IQSEC1: variants seen among roughly 807,000 people sequenced by gnomAD.
The protein encoded by IQSEC1 is IQ motif and SEC7 domain-containing protein 1.
In IQSEC1, 31 loss-of-function variants were observed where a neutral mutation model predicts 91.0. The observed-to-expected ratio is 0.34, with a 90% CI of 0.26 to 0.46. The LOEUF is 0.46. IQSEC1 is among the 20% of genes least tolerant of loss of function. The pLI is 1.00. For missense variants in IQSEC1, 1,388 were observed against 1,575.6 expected, an observed-to-expected ratio of 0.88 and a Z score of 2.02; for synonymous variants, 699 against 662.6, an observed-to-expected ratio of 1.05 and a Z score of -0.84.
At chr3:13,183,965 A>G (rs1315467949) in intron 1 of IQSEC1, among the ~76,000 whole-genome samples, 1 of 152,266 alleles carries the variant, frequency 6.6e-6, no homozygotes, top group Admixed American at 6.5e-5. Flanking sequence ...TCAAAAAGAA[A>G]TAGATTAAAA....
At chr3:12,955,065 C>T (rs1231162071) in intron 1 of IQSEC1, among the ~76,000 whole-genome samples, 1 of 152,112 alleles carries the variant, frequency 6.6e-6, no homozygotes, top group Non-Finnish European at 1.5e-5. Flanking sequence ...CCTGGCAGAG[C>T]CCCGTGACTC....
At chr3:13,010,787 C>T (rs923860452) in intron 1 of IQSEC1, among the ~76,000 whole-genome samples, 1 of 152,182 alleles carries the variant, frequency 6.6e-6, no homozygotes, top group African/African-American at 2.4e-5. Flanking sequence ...AGGCCAGCAC[C>T]CTGGGCTCTG....
chr3:13,152,222 G>A (rs1156240408), intron 2 of IQSEC1, among the ~76,000 whole-genome samples: 2 of 152,140 alleles, frequency 1.3e-5, no homozygotes, highest in Non-Finnish European at 2.9e-5. Context: ...TTTAGCCTTT[G>A]ACCTAGTAAT....
chr3:12,899,125 T>G lies in IQSEC1; in HGVS notation c.*1858A>C. ...ATTAACAAAGTGCTTGGTTTGCAGA[T>G]TTGCTGGTACGGTGATCTCAATGAT... On this transcript the variant is annotated 3_prime_UTR_variant, in exon 14 of 14. Coordinates refer to ENST00000613206, the MANE Select transcript of IQSEC1 (RefSeq NM_001134382.3). 1.9e-6 allele frequency: 1 copy of G among 524,360 alleles called. No homozygotes were observed. The highest frequency in any genetic ancestry group is 3.3e-5 in the Admixed American group (1 of 30,076). 32.5% of individuals were successfully genotyped at this position (524,360 alleles called of 1,614,324 possible). A position where few individuals can be genotyped will look rare whatever the true frequency, so the allele number is the denominator to read the frequency against.
chr3:12,933,715 T>C (rs1052273986), intron 3 of IQSEC1, among the ~76,000 whole-genome samples: 1 of 152,186 alleles, frequency 6.6e-6, no homozygotes, highest in Admixed American at 6.5e-5. Context: ...TTCTTAACCA[T>C]GGCTGTCTAG....
intron 2 of IQSEC1, among the ~76,000 whole-genome samples, chr3:13,105,961 C>T (rs1706144941): frequency 6.6e-6 from 1 of 152,216 alleles, no homozygotes; most frequent in African/African-American, 2.4e-5. Context: ...AAACGCTGGG[C>T]TTTGTCTTCT....
intron 1 of IQSEC1, among the ~76,000 whole-genome samples, chr3:13,201,352 G>A (rs571380192): frequency 1.7e-4 from 26 of 152,212 alleles, no homozygotes; most frequent in South Asian, 8.3e-4. Flanking sequence ...CTTTTTTAGA[G>A]ACAGGTCTCA....
At position 12,967,688 on chromosome 3, in the gene IQSEC1, T is replaced by A. The variant is rs905890467; in HGVS notation, c.24-25823A>T. 1.7e-6 allele frequency: 2 copies of A among 1,149,650 alleles called. No individual in the cohort carries two copies. The highest frequency in any genetic ancestry group is 2.1e-6 in the Non-Finnish European group (2 of 936,900). The allele number at this position is 1,149,650 out of a possible 1,614,324, so 71.2% of individuals were successfully genotyped here. On this transcript the variant is annotated intron_variant, in intron 1 of 13. Coordinates refer to ENST00000613206, the MANE Select transcript of IQSEC1 (RefSeq NM_001134382.3). This position sits in a 1 kb window ranked among gnomAD's most constrained non-coding sequence, Gnocchi z 5.9. ...GCCCGCCCCTCCGCCGCCGCCCGCT[T>A]GGCGCAGCGCGAGGCCGGGCCGGAG... is the stretch of plus-strand genomic sequence containing the variant.
chr3:13,271,900 C>T (rs1303253403), intron 1 of IQSEC1, among the ~76,000 whole-genome samples: 1 of 152,170 alleles, frequency 6.6e-6, no homozygotes, highest in Non-Finnish European at 1.5e-5. Flanking sequence ...GGCAGACCAA[C>T]AAGGAAATAT....
At position 13,211,897 on chromosome 3, in the gene IQSEC1, C is replaced by A. The variant is rs950842570; in HGVS notation, c.273-47764G>T. 1.3e-5 allele frequency among the ~76,000 whole-genome samples: 2 copies of A among 152,256 alleles called. No homozygotes were observed. Among genetic ancestry groups the A allele is most frequent in the African/African-American group, 2.4e-5 (1 of 41,464 alleles). On this transcript the variant is annotated intron_variant, in intron 1 of 15. Coordinates refer to the IQSEC1 transcript ENST00000648114. This position sits in a 1 kb window ranked among gnomAD's most constrained non-coding sequence, Gnocchi z 5.3. ...CACGCTGGTTTCGTGTCCACAGAAC[C>A]TTTCCGTGGCCAGAGGACCCGAAAC...
intron 1 of IQSEC1, among the ~76,000 whole-genome samples, chr3:13,234,208 G>T (rs1340231208): frequency 5.3e-5 from 8 of 150,918 alleles, no homozygotes; most frequent in Non-Finnish European, 7.4e-5. Context: ...GTGTGTGCCT[G>T]TGGGTGTGAG....
At chr3:12,998,866 G>C (rs1702318312) in intron 1 of IQSEC1, among the ~76,000 whole-genome samples, 1 of 152,060 alleles carries the variant, frequency 6.6e-6, no homozygotes, top group Non-Finnish European at 1.5e-5. Context: ...TAAAGTGGGG[G>C]GTCGGGGGGC....
intron 1 of IQSEC1, among the ~76,000 whole-genome samples, chr3:13,026,269 G>A (rs1703608597): frequency 6.6e-6 from 1 of 152,202 alleles, no homozygotes; most frequent in African/African-American, 2.4e-5. Context: ...CCCAGGGCTG[G>A]TTAGGGTTCC....
chr3:13,093,636 G>A (rs998806905), intron 2 of IQSEC1, among the ~76,000 whole-genome samples: 1 of 152,162 alleles, frequency 6.6e-6, no homozygotes, highest in Non-Finnish European at 1.5e-5. Context: ...CAGCACATGG[G>A]GTGTGTGGCA....
intron 1 of IQSEC1, among the ~76,000 whole-genome samples, chr3:13,071,808 C>T (rs1187702144): frequency 1.3e-5 from 2 of 148,402 alleles, no homozygotes; most frequent in African/African-American, 5.0e-5. Context: ...GAGGCCACTG[C>T]CATCCCCCAA....
chr3:13,146,152 T>A (rs899742819), intron 2 of IQSEC1, among the ~76,000 whole-genome samples: 3 of 149,334 alleles, frequency 2.0e-5, no homozygotes, highest in East Asian at 3.9e-4. Context: ...CACACTCAGC[T>A]ATTTTTTTTT....
At chr3:12,945,379 C>T (rs1040751083) in intron 1 of IQSEC1, among the ~76,000 whole-genome samples, 4 of 152,076 alleles carry the variant, frequency 2.6e-5, no homozygotes, top group African/African-American at 9.7e-5. Flanking sequence ...CAGTCACCCA[C>T]AGTCTTCCCT....
intron 1 of IQSEC1, among the ~76,000 whole-genome samples, chr3:13,189,146 T>C (rs932631838): frequency 6.6e-6 from 1 of 152,232 alleles, no homozygotes; most frequent in Non-Finnish European, 1.5e-5. Flanking sequence ...AGCTGTGCTC[T>C]GTGACCCCAC....
At position 12,943,090 on chromosome 3, in the gene IQSEC1, G is replaced by A. The variant is rs531165357; in HGVS notation, c.24-1225C>T. 1.1e-3 allele frequency among the ~76,000 whole-genome samples: 160 copies of A among 152,366 alleles called. 2 individuals carry two copies. The South Asian group carries it at 0.032, about 30-fold the overall frequency. On this transcript the variant is annotated intron_variant, in intron 1 of 13. Coordinates refer to ENST00000613206, the MANE Select transcript of IQSEC1 (RefSeq NM_001134382.3). ...AATCTTAAAAGCAGTCTACAAAGAG[G>A]AATCATCGACTCCCCTTTTTCAGGT...
Sources: allele counts gnomAD v4.1 joint callset (sites outside exome capture counted in the v4.1 genomes callset), GRCh38; gene constraint gnomAD v4.1.1; non-coding constraint Gnocchi (gnomAD v3.1); transcripts MANE v1.5; gene names NCBI Gene and HGNC (gene_info 2026-07-23, HGNC 2026-07-21).